The following WDPCP variants were observed in gnomAD, a reference collection of about 807,000 sequenced individuals.
The protein encoded by WDPCP is WD repeat-containing and planar cell polarity effector protein fritz homolog.
In WDPCP, 71 loss-of-function variants were observed where a neutral mutation model predicts 93.1. The observed-to-expected ratio is 0.76, with a 90% CI of 0.63 to 0.93. WDPCP has a LOEUF of 0.93. Among genes scored for constraint, WDPCP ranks in the 40% least tolerant of loss-of-function variants. The probability of loss-of-function intolerance (pLI) is 0.00; values close to 1 mark genes in which losing one functional copy is unlikely to be tolerated. For missense variants in WDPCP, 844 were observed against 887.4 expected, an observed-to-expected ratio of 0.95 and a Z score of 0.62; for synonymous variants, 315 against 315.0, an observed-to-expected ratio of 1.00 and a Z score of 0.00.
chr2:63,260,538 G>C (rs1240517255), intron 13 of WDPCP, among the ~76,000 whole-genome samples: 1 of 152,030 alleles, frequency 6.6e-6, no homozygotes, highest in East Asian at 1.9e-4. Context: ...GAATATAATT[G>C]GTTAAGACTT....
chr2:63,740,376 G>T (rs1309819915), intron 2 of WDPCP, among the ~76,000 whole-genome samples: 1 of 152,092 alleles, frequency 6.6e-6, no homozygotes, highest in Non-Finnish European at 1.5e-5. Flanking sequence ...TCTAAAGAGA[G>T]ATTTGACTAG....
At chr2:63,600,494 G>A (rs1709397903) in intron 3 of WDPCP, among the ~76,000 whole-genome samples, 1 of 152,166 alleles carries the variant, frequency 6.6e-6, no homozygotes, top group African/African-American at 2.4e-5. Context: ...TTTTGAGAAA[G>A]TATATTCAAT....
chr2:63,359,564 A>G (rs1690280781), intron 12 of WDPCP, among the ~76,000 whole-genome samples: 2 of 152,228 alleles, frequency 1.3e-5, no homozygotes, highest in African/African-American at 2.4e-5. Context: ...GCAAAATGAC[A>G]CAGACATTCT....
intron 13 of WDPCP, among the ~76,000 whole-genome samples, chr2:63,280,033 T>C (rs1446045408): frequency 1.3e-5 from 2 of 152,068 alleles, no homozygotes; most frequent in Non-Finnish European, 2.9e-5. Context: ...AGAATCAATA[T>C]AGTGGAAATG....
chr2:63,521,863 T>G (rs1390184966), intron 1 of WDPCP, among the ~76,000 whole-genome samples: 1 of 151,982 alleles, frequency 6.6e-6, no homozygotes, highest in Non-Finnish European at 1.5e-5. Context: ...AAATAGAAAT[T>G]ATTGCTGAGA....
rs1303480017 is a variant in WDPCP at position 63,373,296 on chromosome 2, G to A, written c.1748+5090C>T. ...AAATGACATACGGTCTTGCTCTGTCGCCCAGTGCAATTGCAGGAACAAGGC... is the reference window on the plus strand; with the variant it reads ...AAATGACATACGGTCTTGCTCTGTCACCCAGTGCAATTGCAGGAACAAGGC... On this transcript the variant is annotated intron_variant, in intron 12 of 17. Coordinates refer to ENST00000272321, the MANE Select transcript of WDPCP (RefSeq NM_015910.7). Among the ~76,000 whole-genome samples, 10 of 139,428 alleles carry A rather than the reference G, an allele frequency of 7.2e-5. 1 individual carries two copies. The highest frequency in any genetic ancestry group is 2.2e-4 in the South Asian group (1 of 4,510). The allele number at this position is 139,428 out of a possible 152,430, so 91.5% of individuals were successfully genotyped here. A position where few individuals can be genotyped will look rare whatever the true frequency, so the allele number is the denominator to read the frequency against.
intron 2 of WDPCP, among the ~76,000 whole-genome samples, chr2:63,811,761 C>T (rs553717725): frequency 9.9e-5 from 15 of 152,262 alleles, no homozygotes; most frequent in African/African-American, 3.6e-4. Context: ...GTACCCTATT[C>T]TCCCTCCCCA....
At chr2:63,430,023 A>ACC (rs1350013125) in intron 9 of WDPCP, among the ~76,000 whole-genome samples, 1 of 142,104 alleles carries the variant, frequency 7.0e-6, no homozygotes, top group Admixed American at 7.1e-5. Context: ...ACACACACAC[A>ACC]CCATGAAATA....
chr2:63,262,080 T>C (rs1231519102), intron 13 of WDPCP, among the ~76,000 whole-genome samples: 2 of 152,174 alleles, frequency 1.3e-5, no homozygotes, highest in African/African-American at 2.4e-5. Context: ...TCAACTTTGC[T>C]AATATTTAAG....
chr2:63,437,732 G>C (rs1697232479), intron 7 of WDPCP, 178 bp from the exon 8 acceptor site: 1 of 1,078,040 alleles, frequency 9.3e-7, no homozygotes, highest in Non-Finnish European at 1.3e-6. Flanking sequence ...AACAATAATT[G>C]TCAATCTAAT....
chr2:63,203,362 A>G (rs959833352), intron 14 of WDPCP, among the ~76,000 whole-genome samples: 1 of 152,162 alleles, frequency 6.6e-6, no homozygotes, highest in African/African-American at 2.4e-5. Context: ...TTAAATTATT[A>G]TTGACTAAAG....
the WDPCP span, among the ~76,000 whole-genome samples, chr2:63,834,387 A>C: frequency 6.6e-6 from 1 of 152,224 alleles, no homozygotes; most frequent in Admixed American, 6.5e-5. Context: ...ATAATTGAGA[A>C]TGGCCTCTGT....
intron 2 of WDPCP, among the ~76,000 whole-genome samples, chr2:63,691,530 G>C (rs1045877941): frequency 6.6e-6 from 1 of 152,144 alleles, no homozygotes; most frequent in South Asian, 2.1e-4. Flanking sequence ...AGCTACTGGG[G>C]AGACTGAGGT....
chr2:63,374,397 T>G (rs529177178), intron 12 of WDPCP, among the ~76,000 whole-genome samples: 2 of 152,312 alleles, frequency 1.3e-5, no homozygotes, highest in East Asian at 3.9e-4. Context: ...ATATATTATC[T>G]AGCATTTTTG....
chr2:63,463,666 G>T (rs1699167305), intron 6 of WDPCP, among the ~76,000 whole-genome samples: 1 of 152,150 alleles, frequency 6.6e-6, no homozygotes. Flanking sequence ...ACAGAAAAGA[G>T]ATCCCAGGAA....
chr2:63,134,149 A>G (rs1319015671), intron 17 of WDPCP, among the ~76,000 whole-genome samples: 1 of 152,182 alleles, frequency 6.6e-6, no homozygotes, highest in Non-Finnish European at 1.5e-5. Context: ...ACAACCCTGA[A>G]TAATATATGC....
At chr2:63,477,041 T>C (rs1700013139) in intron 6 of WDPCP, among the ~76,000 whole-genome samples, 1 of 152,184 alleles carries the variant, frequency 6.6e-6, no homozygotes, top group Non-Finnish European at 1.5e-5. Context: ...ACTTTTATAG[T>C]TAAATTTACA....
chr2:63,386,180 GC>G (rs1479851745), intron 10 of WDPCP, among the ~76,000 whole-genome samples: 2 of 151,968 alleles, frequency 1.3e-5, no homozygotes, highest in African/African-American at 4.8e-5. Context: ...AAAAGCAAAA[GC>G]CATAAAACAA....
At chr2:63,196,807 G>C (rs996769539) in intron 14 of WDPCP, among the ~76,000 whole-genome samples, 17 of 152,172 alleles carry the variant, frequency 1.1e-4, no homozygotes, top group African/African-American at 4.8e-5. Flanking sequence ...AGACATGAGT[G>C]CCTCCGACTA....
Sources: gnomAD v4.1 joint callset for allele counts (sites outside exome capture counted in the v4.1 genomes callset) on GRCh38, gnomAD v4.1.1 for gene constraint, MANE v1.5 for transcripts, NCBI Gene and HGNC (gene_info 2026-07-23, HGNC 2026-07-21) for gene names.